Variants in ZFAND3 observed in about 807,000 individuals in gnomAD.
ZFAND3 encodes AN1-type zinc finger protein 3.
A neutral mutation model predicts 29.6 loss-of-function variants in ZFAND3; 10 were observed. That is an observed-to-expected ratio of 0.34 (90% CI 0.21 to 0.57). The LOEUF (loss-of-function observed/expected upper bound fraction) is 0.57, where lower values mean the gene tolerates loss of function less well. ZFAND3 is among the 20% of genes least tolerant of loss of function. ZFAND3 has a pLI of 0.86. For synonymous variants in ZFAND3, 128 were observed against 112.6 expected (o/e 1.14, Z -0.87); for missense variants, 230 against 304.5 (o/e 0.76, Z 1.82).
chr6:37,970,255 G>A (rs932199760), intron 2 of ZFAND3, among the ~76,000 whole-genome samples: 4 of 152,210 alleles, frequency 2.6e-5, no homozygotes, highest in African/African-American at 4.8e-5. Flanking sequence ...GATCAAAAAT[G>A]TGTCAGATTT....
intron 1 of ZFAND3, among the ~76,000 whole-genome samples, chr6:37,842,059 C>T (rs538430166): frequency 4.9e-4 from 75 of 152,220 alleles, no homozygotes; most frequent in Admixed American, 1.7e-3. Context: ...CTAAGGTGCT[C>T]CCTTCATCCT....
chr6:37,944,286 T>A (rs1439563425), intron 2 of ZFAND3, among the ~76,000 whole-genome samples: 1 of 152,204 alleles, frequency 6.6e-6, no homozygotes, highest in Non-Finnish European at 1.5e-5. Context: ...GCATCATTAG[T>A]ACCTTAAAGA....
At chr6:37,963,729 T>C (rs1762242180) in intron 2 of ZFAND3, among the ~76,000 whole-genome samples, 1 of 152,340 alleles carries the variant, frequency 6.6e-6, no homozygotes, top group Non-Finnish European at 1.5e-5. Flanking sequence ...CTTTCCTCCT[T>C]TTCTTTCTTT....
In ZFAND3 at chr6:37,985,475, G is replaced by A. The variant is rs746891299; in HGVS notation, c.112+55476G>A. On this transcript the variant is annotated intron_variant, in intron 2 of 5. Transcript: ENST00000287218. Reference sequence around the variant, plus strand: ...AAACCCTGTCTACACACACACATGCGCCTGGTGGCACGTGCTTGTGGTTCC... The same window carrying A: ...AAACCCTGTCTACACACACACATGCACCTGGTGGCACGTGCTTGTGGTTCC... Among the ~76,000 whole-genome samples, 75 of 149,476 alleles carry A rather than the reference G, an allele frequency of 5.0e-4. 1 individual carries two copies. Among genetic ancestry groups the A allele is most frequent in the Non-Finnish European group, 9.2e-4 (62 of 67,566 alleles).
chr6:38,154,373 T>G lies in ZFAND3; in HGVS notation c.*1984T>G, dbSNP rs1581967219. On this transcript the variant is annotated 3_prime_UTR_variant, in exon 6 of 6. Transcript: ENST00000287218. ...CCATGTTCGCTTCCTGACTTAGAGC[T>G]GGGGGGGGTGGGGGGTGGGGCTTGT... 12 of 375,092 alleles carry G rather than the reference T, an allele frequency of 3.2e-5. No homozygotes were observed. Among genetic ancestry groups the G allele is most frequent in the South Asian group, 9.9e-5 (1 of 10,074 alleles). The allele number at this position is 375,092 out of a possible 1,614,324, so 23.2% of individuals were successfully genotyped here.
chr6:38,133,255 C>T (rs1294577374), intron 5 of ZFAND3, among the ~76,000 whole-genome samples: 1 of 152,172 alleles, frequency 6.6e-6, no homozygotes, highest in Non-Finnish European at 1.5e-5. Flanking sequence ...GAGCACTTAA[C>T]GATATTCTTC....
chr6:38,125,674 AAAGG>A (rs1295367673), intron 5 of ZFAND3, among the ~76,000 whole-genome samples: 2 of 152,238 alleles, frequency 1.3e-5, no homozygotes, highest in African/African-American at 4.8e-5. Context: ...AGTGTTACCA[AAAGG>A]TATTTGGATA....
chr6:37,925,511 T>C (rs1357416947), intron 1 of ZFAND3, among the ~76,000 whole-genome samples: 2 of 152,134 alleles, frequency 1.3e-5, no homozygotes, highest in East Asian at 3.9e-4. Flanking sequence ...GAGAGCAGCC[T>C]GGCCAACATG....
At chr6:37,845,038 A>C (rs1162609902) in intron 1 of ZFAND3, among the ~76,000 whole-genome samples, 5 of 151,856 alleles carry the variant, frequency 3.3e-5, no homozygotes, top group African/African-American at 4.8e-5. Context: ...AAAAAAAAAA[A>C]AGCAATTATC....
chr6:38,039,033 C>T (rs1229280405), intron 2 of ZFAND3, among the ~76,000 whole-genome samples: 1 of 152,208 alleles, frequency 6.6e-6, no homozygotes, highest in East Asian at 1.9e-4. Flanking sequence ...TCACATTTCT[C>T]AATCTGGAAT....
chr6:37,940,721 G>T (rs1581779072), intron 2 of ZFAND3, among the ~76,000 whole-genome samples: 2 of 152,154 alleles, frequency 1.3e-5, no homozygotes, highest in East Asian at 3.8e-4. Context: ...GAAAGAGAGA[G>T]TGACAATTTT....
intron 4 of ZFAND3, among the ~76,000 whole-genome samples, chr6:38,083,120 C>G (rs934026852): frequency 6.6e-6 from 1 of 152,050 alleles, no homozygotes; most frequent in African/African-American, 2.4e-5. Flanking sequence ...TTGGAAGAGT[C>G]AAAATAATTA....
At chr6:38,004,466 C>T (rs962053543) in intron 2 of ZFAND3, among the ~76,000 whole-genome samples, 3 of 150,824 alleles carry the variant, frequency 2.0e-5, no homozygotes, top group Non-Finnish European at 3.0e-5. Context: ...CCCTCTCCCC[C>T]TCTCCATCCC....
chr6:37,947,131 C>T (rs1761917688), intron 2 of ZFAND3, among the ~76,000 whole-genome samples: 2 of 152,108 alleles, frequency 1.3e-5, no homozygotes, highest in Admixed American at 6.5e-5. Context: ...CAGTTTTGTT[C>T]TTTACACTTG....
chr6:37,947,295 C>A (rs1363981816), intron 2 of ZFAND3, among the ~76,000 whole-genome samples: 1 of 152,022 alleles, frequency 6.6e-6, no homozygotes, highest in African/African-American at 2.4e-5. Flanking sequence ...GATTTAAAAA[C>A]AATTTAATTT....
chr6:37,944,885 G>A (rs1761873639), intron 2 of ZFAND3, among the ~76,000 whole-genome samples: 1 of 152,178 alleles, frequency 6.6e-6, no homozygotes, highest in Non-Finnish European at 1.5e-5. Context: ...AAAAGTACAT[G>A]CTCAAGAAAG....
At chr6:38,095,965 C>T (rs1247635823) in intron 4 of ZFAND3, among the ~76,000 whole-genome samples, 2 of 151,592 alleles carry the variant, frequency 1.3e-5, no homozygotes, top group East Asian at 1.9e-4. Flanking sequence ...CCCAGGAGGT[C>T]GTGGCTACAG....
intron 5 of ZFAND3, among the ~76,000 whole-genome samples, chr6:38,144,581 G>A (rs1766065569): frequency 6.6e-6 from 1 of 152,242 alleles, no homozygotes; most frequent in African/African-American, 2.4e-5. Context: ...CTGCACACCA[G>A]CAGAGGCAGA....
intron 1 of ZFAND3, among the ~76,000 whole-genome samples, chr6:37,907,175 CATT>C (rs1765424382): frequency 6.6e-6 from 1 of 151,882 alleles, no homozygotes; most frequent in African/African-American, 2.4e-5. Flanking sequence ...TCCAAAATAT[CATT>C]GATTTTTTTT....
Sources: allele counts gnomAD v4.1 joint callset (sites outside exome capture counted in the v4.1 genomes callset), GRCh38; gene constraint gnomAD v4.1.1; transcripts MANE v1.5; gene names NCBI Gene and HGNC (gene_info 2026-07-23, HGNC 2026-07-21).